The following AGBL1 variants were observed in gnomAD, a reference collection of about 807,000 sequenced individuals.
AGBL1 encodes AGBL carboxypeptidase 1.
Under a neutral mutation model 118.9 loss-of-function variants are expected in AGBL1, and 130 were observed. The observed-to-expected ratio is 1.09, with a 90% CI of 0.95 to 1.26. The LOEUF (loss-of-function observed/expected upper bound fraction) is 1.26, where lower values mean the gene tolerates loss of function less well. Ranked by LOEUF, AGBL1 falls within the 50% of genes most tolerant of loss-of-function variation. The pLI is 0.00. For missense variants in AGBL1, 1,584 were observed against 1,298.1 expected (o/e 1.22, Z -3.38); for synonymous variants, 555 against 478.9 (o/e 1.16, Z -2.08).
At chr15:86,243,943 T>G (rs2078677378) in intron 6 of AGBL1, among the ~76,000 whole-genome samples, 1 of 151,722 alleles carries the variant, frequency 6.6e-6, no homozygotes, top group African/African-American at 2.4e-5. Flanking sequence ...TCACTTGAAC[T>G]TGGGAGGCAG....
intron 18 of AGBL1, among the ~76,000 whole-genome samples, chr15:86,455,642 T>C (rs1029983340): frequency 1.1e-4 from 17 of 152,180 alleles, no homozygotes; most frequent in Non-Finnish European, 2.5e-4. Context: ...CCTAACATAA[T>C]AAAAGCTAAC....
At position 86,907,955 on chromosome 15, in the gene AGBL1, A is replaced by AT. The variant is rs1319389126; in HGVS notation, c.*665dup. 6 of 152,216 alleles carry AT rather than the reference A, an allele frequency of 3.9e-5. No individual in the cohort carries two copies. The highest frequency in any genetic ancestry group is 8.8e-5 in the Non-Finnish European group (6 of 68,038). The allele number at this position is 152,216 out of a possible 1,614,324, so 9.4% of individuals were successfully genotyped here. On this transcript the variant is annotated 3_prime_UTR_variant, in exon 23 of 23. Coordinates refer to ENST00000614907, the MANE Select transcript of AGBL1 (RefSeq NM_001386094.1). ...AAGACATTGTCACTGATCTTCACAG[A>AT]TTTTAAGATCCTATGTATTCAGATC... is the stretch of plus-strand genomic sequence containing the variant.
intron 22 of AGBL1, among the ~76,000 whole-genome samples, chr15:86,823,836 T>C (rs1401215571): frequency 6.6e-6 from 1 of 152,120 alleles, no homozygotes; most frequent in Admixed American, 6.6e-5. Flanking sequence ...AAAATCATAC[T>C]CATAGAATTA....
intron 17 of AGBL1, among the ~76,000 whole-genome samples, chr15:86,364,366 C>A (rs766071756): frequency 3.3e-5 from 5 of 152,138 alleles, no homozygotes; most frequent in Non-Finnish European, 5.9e-5. Flanking sequence ...TTGATAGTTA[C>A]ATTAATTATG....
chr15:86,134,235 T>C (rs1000995948), intron 1 of AGBL1, among the ~76,000 whole-genome samples: 13 of 152,224 alleles, frequency 8.5e-5, no homozygotes, highest in African/African-American at 2.9e-4. Context: ...ATAATGTCTT[T>C]TATTTAACCA....
chr15:86,522,451 G>T (rs1376491840), intron 18 of AGBL1, among the ~76,000 whole-genome samples: 1 of 152,192 alleles, frequency 6.6e-6, no homozygotes, highest in African/African-American at 2.4e-5. Flanking sequence ...TAGATTGAAT[G>T]CAACTTAATT....
intron 22 of AGBL1, among the ~76,000 whole-genome samples, chr15:86,809,764 A>G (rs1409167245): frequency 1.3e-5 from 2 of 152,146 alleles, no homozygotes; most frequent in Non-Finnish European, 2.9e-5. Flanking sequence ...ATTCATCTAT[A>G]TTATTTTGGT....
intron 24 of AGBL1, among the ~76,000 whole-genome samples, chr15:86,999,641 G>A (rs1042415605): frequency 2.0e-5 from 3 of 150,532 alleles, no homozygotes; most frequent in Non-Finnish European, 3.0e-5. Flanking sequence ...GGACATTTGG[G>A]TTGGTTCCAA....
chr15:86,432,437 G>A (rs1173600212), intron 18 of AGBL1, among the ~76,000 whole-genome samples: 1 of 152,142 alleles, frequency 6.6e-6, no homozygotes, highest in Non-Finnish European at 1.5e-5. Context: ...TTAGGATTGA[G>A]CTAATGTTTT....
intron 1 of AGBL1, among the ~76,000 whole-genome samples, chr15:86,134,413 G>C (rs970997900): frequency 6.6e-6 from 1 of 152,148 alleles, no homozygotes; most frequent in Non-Finnish European, 1.5e-5. Context: ...TTATGGGCTT[G>C]TTCTTTCAGT....
At chr15:86,774,744 A>C (rs1226263270) in intron 22 of AGBL1, among the ~76,000 whole-genome samples, 1 of 152,032 alleles carries the variant, frequency 6.6e-6, no homozygotes, top group Non-Finnish European at 1.5e-5. Flanking sequence ...GAAGTGCTAC[A>C]ATATGTATCA....
At position 86,718,112 on chromosome 15, in the gene AGBL1, G is replaced by T. The variant is rs796905266; in HGVS notation, c.3158+43676G>T. On this transcript the variant is annotated intron_variant, in intron 22 of 22. Coordinates refer to ENST00000614907, the MANE Select transcript of AGBL1 (RefSeq NM_001386094.1). ...CAAAAAAATTATTATAGAAACAGGA[G>T]AAAAAATATTATTAATATTGGCTGT... Among the ~76,000 whole-genome samples the T allele has an allele frequency of 4.9e-4, 75 of 152,118 alleles. 1 individual carries two copies. The highest frequency in any genetic ancestry group is 1.8e-3 in the African/African-American group (74 of 41,490).
chr15:86,494,527 A>G (rs1044191349), intron 18 of AGBL1, among the ~76,000 whole-genome samples: 4 of 152,184 alleles, frequency 2.6e-5, no homozygotes, highest in Admixed American at 2.6e-4. Flanking sequence ...TGATGTCTCC[A>G]GTCTGGGTTG....
At chr15:87,023,070 C>CA (rs2081684488) in intron 24 of AGBL1, among the ~76,000 whole-genome samples, 2 of 151,694 alleles carry the variant, frequency 1.3e-5, no homozygotes, top group East Asian at 1.9e-4. Context: ...AAAATGAAGT[C>CA]AAAAAAACCA....
At chr15:86,570,467 G>T (rs921700767) in intron 21 of AGBL1, among the ~76,000 whole-genome samples, 14 of 152,146 alleles carry the variant, frequency 9.2e-5, no homozygotes, top group African/African-American at 3.4e-4. Flanking sequence ...TTTAATCAAG[G>T]GGTAGAATAT....
At chr15:86,200,433 T>G (rs1470129908) in intron 5 of AGBL1, among the ~76,000 whole-genome samples, 1 of 151,280 alleles carries the variant, frequency 6.6e-6, no homozygotes, top group East Asian at 1.9e-4. Context: ...ACTTACAAAT[T>G]ATCACAGATT....
intron 22 of AGBL1, among the ~76,000 whole-genome samples, chr15:86,722,873 C>T (rs2086749984): frequency 6.6e-6 from 1 of 152,160 alleles, no homozygotes; most frequent in African/African-American, 2.4e-5. Context: ...CAAAAGAAGA[C>T]ATTTATGCAG....
intron 22 of AGBL1, among the ~76,000 whole-genome samples, chr15:86,843,718 T>C (rs907191227): frequency 6.6e-6 from 1 of 152,228 alleles, no homozygotes; most frequent in Non-Finnish European, 1.5e-5. Context: ...CTGAAGATTT[T>C]TTTTAGCTTT....
intron 19 of AGBL1, among the ~76,000 whole-genome samples, chr15:86,527,303 T>C (rs1316878736): frequency 2.0e-5 from 3 of 152,210 alleles, no homozygotes; most frequent in Non-Finnish European, 1.5e-5. Context: ...TCTGACAACC[T>C]CTAATTGAAG....
Sources: allele counts gnomAD v4.1 joint callset (sites outside exome capture counted in the v4.1 genomes callset), GRCh38; gene constraint gnomAD v4.1.1; transcripts MANE v1.5; gene names NCBI Gene and HGNC (gene_info 2026-07-23, HGNC 2026-07-21).